Variants in LRRC4C observed in about 807,000 individuals in gnomAD.
The protein encoded by LRRC4C is leucine rich repeat containing 4C, also known as leucine-rich repeat-containing protein 4C.
LRRC4C carries 5 observed loss-of-function variants against 33.6 expected under a neutral mutation model. That is an observed-to-expected ratio of 0.15 (90% CI 0.08 to 0.31). LRRC4C has a LOEUF of 0.31. Ranked by LOEUF, LRRC4C falls within the 10% of genes least tolerant of loss-of-function variation. The probability of loss-of-function intolerance (pLI) is 1.00; values close to 1 mark genes in which losing one functional copy is unlikely to be tolerated. For synonymous variants in LRRC4C, 329 were observed against 302.0 expected, an observed-to-expected ratio of 1.09 and a Z score of -0.93; for missense variants, 560 against 796.7, an observed-to-expected ratio of 0.70 and a Z score of 3.58.
At chr11:40,710,936 G>A (rs1435666304) in intron 2 of LRRC4C, among the ~76,000 whole-genome samples, 1 of 152,170 alleles carries the variant, frequency 6.6e-6, no homozygotes, top group East Asian at 1.9e-4. Flanking sequence ...CAGGCTTGCT[G>A]CCTCGCAATA....
At chr11:40,305,915 G>T (rs544325721) in intron 4 of LRRC4C, among the ~76,000 whole-genome samples, 1 of 152,316 alleles carries the variant, frequency 6.6e-6, no homozygotes, top group South Asian at 2.1e-4. Flanking sequence ...ATTAATAAAT[G>T]TATGATACCA....
intron 3 of LRRC4C, among the ~76,000 whole-genome samples, chr11:40,371,319 A>G (rs368280478): frequency 6.6e-6 from 1 of 152,230 alleles, no homozygotes; most frequent in East Asian, 1.9e-4. Flanking sequence ...TGCTTTTGAC[A>G]TGTCTCCTCT....
intron 5 of LRRC4C, among the ~76,000 whole-genome samples, chr11:40,239,042 C>G (rs901869815): frequency 1.3e-5 from 2 of 152,124 alleles, no homozygotes; most frequent in African/African-American, 4.8e-5. Flanking sequence ...TAACCTATGT[C>G]TCTGCTTTTG....
intron 1 of LRRC4C, among the ~76,000 whole-genome samples, chr11:41,251,327 C>T (rs79721150): frequency 0.019 from 2,876 of 152,274 alleles, 92 homozygotes; most frequent in African/African-American, 0.066. Flanking sequence ...TCTAATTCTT[C>T]GCTGTAGAGC....
intron 3 of LRRC4C, among the ~76,000 whole-genome samples, chr11:40,574,109 A>C (rs1408280148): frequency 1.3e-5 from 2 of 152,164 alleles, no homozygotes; most frequent in African/African-American, 4.8e-5. Context: ...TTTACACCTG[A>C]ATGTGTTGGA....
At chr11:40,403,912 A>G (rs1949860953) in intron 3 of LRRC4C, among the ~76,000 whole-genome samples, 1 of 152,018 alleles carries the variant, frequency 6.6e-6, no homozygotes, top group South Asian at 2.1e-4. Flanking sequence ...GTCCAGTGCA[A>G]TTTTTTCACT....
intron 3 of LRRC4C, among the ~76,000 whole-genome samples, chr11:40,636,066 T>A (rs1391316590): frequency 6.6e-6 from 1 of 152,124 alleles, no homozygotes. Context: ...CTGACCCAGA[T>A]AAGCAGCAAA....
intron 3 of LRRC4C, among the ~76,000 whole-genome samples, chr11:40,430,765 A>G (rs1950890259): frequency 6.6e-6 from 1 of 152,070 alleles, no homozygotes; most frequent in Non-Finnish European, 1.5e-5. Flanking sequence ...AGCAATCAGC[A>G]CCATTTATTA....
chr11:40,717,741 C>T (rs888811079), intron 2 of LRRC4C, among the ~76,000 whole-genome samples: 3 of 152,040 alleles, frequency 2.0e-5, no homozygotes, highest in African/African-American at 4.8e-5. Flanking sequence ...GATGAGGCTC[C>T]GATCAGGCAC....
intron 2 of LRRC4C, among the ~76,000 whole-genome samples, chr11:40,764,997 A>G (rs905432765): frequency 1.3e-5 from 2 of 152,142 alleles, no homozygotes; most frequent in Non-Finnish European, 2.9e-5. Flanking sequence ...AACTATTAAT[A>G]TATTAAATAT....
intron 1 of LRRC4C, among the ~76,000 whole-genome samples, chr11:41,134,496 C>T (rs1421337013): frequency 6.6e-6 from 1 of 152,166 alleles, no homozygotes; most frequent in East Asian, 1.9e-4. Flanking sequence ...TGGTCAATAA[C>T]TTTCCAGGTT....
chr11:40,335,517 C>T (rs745640412), intron 3 of LRRC4C, among the ~76,000 whole-genome samples: 8 of 152,268 alleles, frequency 5.3e-5, no homozygotes, highest in East Asian at 3.9e-4. Flanking sequence ...GTATTTACTT[C>T]GCTAGAGCAT....
intron 5 of LRRC4C, among the ~76,000 whole-genome samples, chr11:40,221,726 TAA>T (rs1851067092): frequency 6.6e-6 from 1 of 152,166 alleles, no homozygotes; most frequent in Non-Finnish European, 1.5e-5. Context: ...ATCTATAGAT[TAA>T]AGACATTGTA....
At chr11:40,267,841 A>G in intron 4 of LRRC4C, among the ~76,000 whole-genome samples, 1 of 152,240 alleles carries the variant, frequency 6.6e-6, no homozygotes, top group East Asian at 1.9e-4. Context: ...AATGAAAATA[A>G]TGTTAGGCTT....
chr11:41,075,465 T>G (rs1939078596), intron 1 of LRRC4C, among the ~76,000 whole-genome samples: 1 of 152,178 alleles, frequency 6.6e-6, no homozygotes, highest in Non-Finnish European at 1.5e-5. Context: ...ACACAAACAT[T>G]AGTGGAAGGT....
At chr11:40,551,139 A>G (rs1412696739) in intron 3 of LRRC4C, among the ~76,000 whole-genome samples, 1 of 152,122 alleles carries the variant, frequency 6.6e-6, no homozygotes, top group Non-Finnish European at 1.5e-5. Flanking sequence ...ATTAAGGTTC[A>G]TATTAAAATC....
chr11:40,560,324 C>A (rs1957498619), intron 3 of LRRC4C, among the ~76,000 whole-genome samples: 1 of 152,074 alleles, frequency 6.6e-6, no homozygotes, highest in South Asian at 2.1e-4. Context: ...TCGTCACAAC[C>A]AAATGAAGAC....
At chr11:41,381,630 A>G (rs1208407444) in intron 1 of LRRC4C, among the ~76,000 whole-genome samples, 1 of 93,400 alleles carries the variant, frequency 1.1e-5, no homozygotes, top group African/African-American at 4.6e-5. Flanking sequence ...CTGCTTCAAA[A>G]AAAAAAAAAG....
At chr11:41,125,389 T>C (rs1942686089) in intron 1 of LRRC4C, among the ~76,000 whole-genome samples, 1 of 152,234 alleles carries the variant, frequency 6.6e-6, no homozygotes, top group Admixed American at 6.5e-5. Flanking sequence ...GTAATGAGAT[T>C]TTCCAACTTT....
Sources: allele counts gnomAD v4.1 joint callset (sites outside exome capture counted in the v4.1 genomes callset), GRCh38; gene constraint gnomAD v4.1.1; transcripts MANE v1.5; gene names NCBI Gene and HGNC (gene_info 2026-07-23, HGNC 2026-07-21).